ZRANB3: variants seen among roughly 807,000 people sequenced by gnomAD.
ZRANB3 encodes DNA annealing helicase and endonuclease ZRANB3.
ZRANB3 carries 125 observed loss-of-function variants against 133.8 expected under a neutral mutation model. That is an observed-to-expected ratio of 0.93 (90% CI 0.81 to 1.08). The LOEUF (loss-of-function observed/expected upper bound fraction) is 1.08. ZRANB3 is among the 50% of genes least tolerant of loss of function. The pLI is 0.00. For missense variants in ZRANB3, 1,229 were observed against 1,275.5 expected, an observed-to-expected ratio of 0.96 and a Z score of 0.56; for synonymous variants, 387 against 432.7, an observed-to-expected ratio of 0.89 and a Z score of 1.31.
intron 8 of ZRANB3, among the ~76,000 whole-genome samples, chr2:135,288,313 T>C (rs1169146792): frequency 6.6e-6 from 1 of 152,224 alleles, no homozygotes; most frequent in Non-Finnish European, 1.5e-5. Context: ...ATCTTTTTGA[T>C]ATACTGTTGG....
In ZRANB3 at chr2:135,522,234, CT is replaced by C. The variant is rs1272418036; in HGVS notation, c.-8+8892del. Among the ~76,000 whole-genome samples, 17 of 152,326 alleles carry C rather than the reference CT, an allele frequency of 1.1e-4. No homozygotes were observed. The East Asian group carries it at 3.3e-3, about 29-fold the overall frequency. On this transcript the variant is annotated intron_variant, in intron 1 of 20. Coordinates refer to ENST00000264159, the MANE Select transcript of ZRANB3 (RefSeq NM_032143.4). ...CTTATTGAATGACTCACAAGTTCTCCTTCACTGATTAATCCTTTTCCTCTTC... is the reference window on the plus strand; with the variant it reads ...CTTATTGAATGACTCACAAGTTCTCCTCACTGATTAATCCTTTTCCTCTTC...
chr2:135,265,904 G>C (rs1202404023), intron 11 of ZRANB3, among the ~76,000 whole-genome samples: 2 of 152,088 alleles, frequency 1.3e-5, no homozygotes, highest in Non-Finnish European at 2.9e-5. Context: ...TTGGCCAAGA[G>C]CATTCTAAAG....
chr2:135,260,438 G>A (rs1407626610), intron 12 of ZRANB3, among the ~76,000 whole-genome samples: 1 of 151,940 alleles, frequency 6.6e-6, no homozygotes, highest in Non-Finnish European at 1.5e-5. Flanking sequence ...TTCAATTTGA[G>A]TTTCATTTGG....
intron 1 of ZRANB3, among the ~76,000 whole-genome samples, chr2:135,526,546 T>G (rs1473939965): frequency 6.6e-6 from 1 of 151,488 alleles, no homozygotes; most frequent in Non-Finnish European, 1.5e-5. Flanking sequence ...ATCAGGGGGG[T>G]TTTATTTGAA....
chr2:135,279,989 C>G (rs1237515987), intron 8 of ZRANB3, among the ~76,000 whole-genome samples: 1 of 152,162 alleles, frequency 6.6e-6, no homozygotes, highest in Non-Finnish European at 1.5e-5. Flanking sequence ...TGCATTTTAA[C>G]TATTTTGATT....
chr2:135,264,709 A>G (rs1680137642), intron 12 of ZRANB3, among the ~76,000 whole-genome samples: 1 of 150,542 alleles, frequency 6.6e-6, no homozygotes, highest in African/African-American at 2.4e-5. Context: ...TTGGCTATTC[A>G]GGTGTCCTCT....
In ZRANB3 at chr2:135,271,758, A is replaced by T. The variant is rs1232925065; in HGVS notation, c.1206+10T>A. The T allele has an allele frequency of 6.2e-7, 1 of 1,602,518 alleles. No individual in the cohort carries two copies. The highest frequency in any genetic ancestry group is 8.5e-7 in the Non-Finnish European group (1 of 1,176,498). On this transcript the variant is annotated intron_variant, in intron 10 of 20. Coordinates refer to ENST00000264159, the MANE Select transcript of ZRANB3 (RefSeq NM_032143.4). The stretch of plus-strand genomic sequence containing the variant: ...ATTTCATAACCAAATTTAGACTTGA[A>T]ATTTCTTACCTGGCCAGCAGCCTGA...
chr2:135,260,603 AG>A (rs1259277123), intron 12 of ZRANB3, among the ~76,000 whole-genome samples: 1 of 147,830 alleles, frequency 6.8e-6, no homozygotes, highest in African/African-American at 2.5e-5. Flanking sequence ...AAGTATATAT[AG>A]TATATATGTA....
chr2:135,212,571 C>G (rs1694138901), intron 17 of ZRANB3, among the ~76,000 whole-genome samples: 1 of 151,990 alleles, frequency 6.6e-6, no homozygotes, highest in Non-Finnish European at 1.5e-5. Context: ...GAACAAATTC[C>G]AAAAAACGGA....
intron 2 of ZRANB3, among the ~76,000 whole-genome samples, chr2:135,498,061 T>A (rs1692760729): frequency 6.8e-6 from 1 of 147,400 alleles, no homozygotes; most frequent in Non-Finnish European, 1.5e-5. Context: ...TAAAAAATAA[T>A]AAATAATAAA....
chr2:135,268,366 C>T (rs976169168), intron 11 of ZRANB3, among the ~76,000 whole-genome samples: 1 of 152,078 alleles, frequency 6.6e-6, no homozygotes, highest in Non-Finnish European at 1.5e-5. Flanking sequence ...AGGGGTTCAC[C>T]ATGTTGGCCA....
At chr2:135,308,194 T>C (rs1682793978) in intron 8 of ZRANB3, among the ~76,000 whole-genome samples, 1 of 152,162 alleles carries the variant, frequency 6.6e-6, no homozygotes, top group Non-Finnish European at 1.5e-5. Context: ...AAGGGGTCTC[T>C]GCCTCTACCC....
chr2:135,324,573 T>A (rs1384640464), intron 6 of ZRANB3, among the ~76,000 whole-genome samples: 1 of 152,200 alleles, frequency 6.6e-6, no homozygotes, highest in Non-Finnish European at 1.5e-5. Context: ...GCAGCATTAT[T>A]TATAATCCTT....
chr2:135,507,990 A>C (rs1693271664), intron 1 of ZRANB3, among the ~76,000 whole-genome samples: 1 of 151,870 alleles, frequency 6.6e-6, no homozygotes, highest in South Asian at 2.1e-4. Context: ...GAGAGAGAGA[A>C]TAACAAAACA....
At chr2:135,225,211 C>T (rs1694713078) in intron 14 of ZRANB3, among the ~76,000 whole-genome samples, 1 of 152,158 alleles carries the variant, frequency 6.6e-6, no homozygotes, top group Non-Finnish European at 1.5e-5. Context: ...GAAACTGAGG[C>T]ACGTTAACTT....
chr2:135,249,077 A>AT (rs1679231680), intron 12 of ZRANB3, among the ~76,000 whole-genome samples: 1 of 152,248 alleles, frequency 6.6e-6, no homozygotes. Flanking sequence ...CAGAATGGCT[A>AT]TTAAAAAGTG....
At chr2:135,375,423 C>A (rs538982277) in intron 3 of ZRANB3, among the ~76,000 whole-genome samples, 17 of 152,246 alleles carry the variant, frequency 1.1e-4, no homozygotes, top group African/African-American at 3.4e-4. Flanking sequence ...CGGTGGCTCA[C>A]TCCTGTAATC....
intron 12 of ZRANB3, among the ~76,000 whole-genome samples, chr2:135,241,444 G>A (rs559909090): frequency 6.7e-6 from 1 of 148,956 alleles, no homozygotes; most frequent in East Asian, 2.0e-4. Context: ...CTACTTAAGA[G>A]TTTTTTTAAA....
rs1447898913 is a variant in ZRANB3, at chr2:135,227,834, T to G, written c.2136A>C (p.Gly712=). 1.3e-6 allele frequency: 2 copies of G among 1,575,806 alleles called. No individual in the cohort carries two copies. Among genetic ancestry groups the G allele is most frequent in the African/African-American group, 2.7e-5 (2 of 74,442 alleles). The part of the protein sequence containing the change: ...EETPKIEKED[G]LTSQPGNEQW... ...TACCATTACCTGGCTGGGATGTAAG[T>G]CCGTCTTCTTTCTCAATTTTTGGTG... The change falls in exon 14 of 21, where the codon GGA becomes GGC. Residue 712 remains glycine, a synonymous_variant. Coordinates refer to ENST00000264159, the MANE Select transcript of ZRANB3 (RefSeq NM_032143.4).
Sources: gnomAD v4.1 joint callset for allele counts (sites outside exome capture counted in the v4.1 genomes callset) on GRCh38, gnomAD v4.1.1 for gene constraint, MANE v1.5 for transcripts, NCBI Gene and HGNC (gene_info 2026-07-23, HGNC 2026-07-21) for gene names.